Variants in AIG1 observed in about 807,000 individuals in gnomAD.
AIG1 encodes the protein androgen induced 1, also known as androgen-induced gene 1 protein.
Under a neutral mutation model 31.4 loss-of-function variants are expected in AIG1, and 23 were observed. The ratio of observed to expected loss-of-function variants is 0.73; its 90% CI spans 0.53 to 1.04. AIG1 has a LOEUF of 1.04. Among genes scored for constraint, AIG1 ranks in the 50% least tolerant of loss-of-function variants. AIG1 has a pLI of 0.00. For missense variants in AIG1, 274 were observed against 295.0 expected (o/e 0.93, Z 0.52); for synonymous variants, 100 against 110.5 (o/e 0.90, Z 0.60).
At chr6:143,234,595 G>A (rs1393892368) in intron 3 of AIG1, among the ~76,000 whole-genome samples, 1 of 152,198 alleles carries the variant, frequency 6.6e-6, no homozygotes, top group Non-Finnish European at 1.5e-5. Context: ...GGAGAAATAA[G>A]TAGGAAGGGG....
intron 4 of AIG1, among the ~76,000 whole-genome samples, chr6:143,307,915 C>T (rs1205549035): frequency 9.2e-5 from 14 of 152,322 alleles, no homozygotes; most frequent in African/African-American, 2.2e-4. Flanking sequence ...CAATGGCGGG[C>T]GCCCCTCCCC....
rs1276362182 is a variant in AIG1 at position 143,315,068 on chromosome 6, T to C, written c.516-18214T>C. 2.0e-5 allele frequency among the ~76,000 whole-genome samples: 3 copies of C among 152,126 alleles called. No homozygotes were observed. In the East Asian group the frequency reaches 5.8e-4, roughly 29 times the overall value. ...CATATTCAGTGACCGAGAATTACTA[T>C]ATTTTCTAAGTGGAAATACCACTAC... On this transcript the variant is annotated intron_variant, in intron 4 of 5. Coordinates refer to ENST00000357847, the MANE Select transcript of AIG1 (RefSeq NM_016108.4).
chr6:143,134,348 A>AT (rs201958458), intron 1 of AIG1, among the ~76,000 whole-genome samples: 358 of 118,446 alleles, frequency 3.0e-3, no homozygotes, highest in South Asian at 5.1e-3. Context: ...TTATCTTTGC[A>AT]TTTTTTTTTG....
chr6:143,129,993 T>C (rs1783068994), intron 1 of AIG1, among the ~76,000 whole-genome samples: 1 of 151,028 alleles, frequency 6.6e-6, no homozygotes, highest in African/African-American at 2.4e-5. Flanking sequence ...TGCAGTGGCA[T>C]GATCCTGGCT....
At chr6:143,169,060 A>T (rs1024622490) in intron 3 of AIG1, among the ~76,000 whole-genome samples, 1 of 151,662 alleles carries the variant, frequency 6.6e-6, no homozygotes, top group South Asian at 2.1e-4. Flanking sequence ...TTAAAAATAT[A>T]TATGTTTTAC....
At chr6:143,272,692 G>A (rs1368765576) in intron 3 of AIG1, among the ~76,000 whole-genome samples, 1 of 152,248 alleles carries the variant, frequency 6.6e-6, no homozygotes, top group South Asian at 2.1e-4. Flanking sequence ...GATGAACAAA[G>A]ACGTGAAAGT....
rs201057813 is a variant in AIG1 at position 143,186,056 on chromosome 6, G to GCCCA, written c.399+20874_399+20877dup. On this transcript the variant is annotated intron_variant, in intron 3 of 5. Transcript: ENST00000357847. Reference sequence around the variant, plus strand: ...CAGCTATATCTGATGGCCTCCAAGTGCCCAGCCTAATAACTTGCCCAAGCG... The same window carrying GCCCA: ...CAGCTATATCTGATGGCCTCCAAGTGCCCACCCAGCCTAATAACTTGCCCAAGCG... Among the ~76,000 whole-genome samples the GCCCA allele has an allele frequency of 1.4e-3, 209 of 152,218 alleles. 6 individuals are homozygous for GCCCA. In the East Asian group the frequency reaches 0.038, roughly 27 times the overall value.
intron 1 of AIG1, among the ~76,000 whole-genome samples, chr6:143,062,925 G>A (rs556359108): frequency 6.6e-6 from 1 of 152,320 alleles, no homozygotes; most frequent in Admixed American, 6.5e-5. Context: ...CAAGAATACA[G>A]AGATGCTGTG....
intron 1 of AIG1, among the ~76,000 whole-genome samples, chr6:143,109,254 A>G (rs1781067545): frequency 6.6e-6 from 1 of 152,134 alleles, no homozygotes; most frequent in Non-Finnish European, 1.5e-5. Flanking sequence ...TATGTTTTAA[A>G]ATTTATACTC....
At chr6:143,071,686 T>A (rs868542409) in intron 1 of AIG1, among the ~76,000 whole-genome samples, 1 of 148,672 alleles carries the variant, frequency 6.7e-6, no homozygotes, top group African/African-American at 2.6e-5. Flanking sequence ...TGGTTCTTTT[T>A]TTGTTGTTGT....
chr6:143,264,095 G>T (rs1795991017), intron 3 of AIG1, among the ~76,000 whole-genome samples: 1 of 152,182 alleles, frequency 6.6e-6, no homozygotes, highest in Admixed American at 6.5e-5. Flanking sequence ...TATAAGAAAA[G>T]TTTGCTAATT....
intron 3 of AIG1, among the ~76,000 whole-genome samples, chr6:143,220,848 G>A (rs978932878): frequency 1.3e-5 from 2 of 152,136 alleles, no homozygotes; most frequent in Non-Finnish European, 2.9e-5. Context: ...CTTATCTTGA[G>A]CTAAAATCTA....
chr6:143,144,696 A>ATC (rs1318945951), intron 2 of AIG1, among the ~76,000 whole-genome samples: 1 of 152,192 alleles, frequency 6.6e-6, no homozygotes, highest in African/African-American at 2.4e-5. Flanking sequence ...GCTTTGAATG[A>ATC]TCTATATGAA....
chr6:143,320,820 A>AT (rs35582590), intron 4 of AIG1, among the ~76,000 whole-genome samples: 9,611 of 134,382 alleles, frequency 0.072, 876 homozygotes, highest in African/African-American at 0.22. Flanking sequence ...AAGCGAGTAG[A>AT]TTTTTTTTTT....
At chr6:143,205,471 A>G (rs1642584855) in intron 3 of AIG1, among the ~76,000 whole-genome samples, 1 of 152,212 alleles carries the variant, frequency 6.6e-6, no homozygotes, top group African/African-American at 2.4e-5. Context: ...TTCATTTTAA[A>G]GGAATGTTTC....
downstream of AIG1, chr6:143,342,407 A>G (rs1287342120): frequency 8.2e-6 from 6 of 728,086 alleles, no homozygotes; most frequent in Admixed American, 7.8e-5. Context: ...TGTGGTTCAG[A>G]AAAGAACCCA....
chr6:143,304,757 G>T (rs1267243364), intron 4 of AIG1, among the ~76,000 whole-genome samples: 2 of 151,808 alleles, frequency 1.3e-5, no homozygotes, highest in African/African-American at 4.9e-5. Flanking sequence ...AGTTAGGGAG[G>T]ATTCCCTCTT....
At chr6:143,224,659 A>G (rs1792798569) in intron 3 of AIG1, among the ~76,000 whole-genome samples, 1 of 152,200 alleles carries the variant, frequency 6.6e-6, no homozygotes, top group African/African-American at 2.4e-5. Context: ...TGTTCATTCT[A>G]CGTGTTTAGT....
chr6:143,275,050 C>T (rs1268866116), intron 3 of AIG1, among the ~76,000 whole-genome samples: 1 of 152,154 alleles, frequency 6.6e-6, no homozygotes, highest in Admixed American at 6.5e-5. Flanking sequence ...CTTTGTTTAC[C>T]TGTCAAATTG....
Sources: gnomAD v4.1 joint callset for allele counts (sites outside exome capture counted in the v4.1 genomes callset) on GRCh38, gnomAD v4.1.1 for gene constraint, MANE v1.5 for transcripts, NCBI Gene and HGNC (gene_info 2026-07-23, HGNC 2026-07-21) for gene names.